The following GPR149 variants were observed in gnomAD, a reference collection of about 807,000 sequenced individuals.
GPR149 encodes the protein G protein-coupled receptor 149, also known as probable G protein-coupled receptor 149.
Under a neutral mutation model 50.2 loss-of-function variants are expected in GPR149, and 50 were observed. The observed-to-expected ratio is 1.00, with a 90% CI of 0.79 to 1.26. The LOEUF is 1.26. Among genes scored for constraint, GPR149 ranks in the 50% most tolerant of loss-of-function variants. GPR149 has a pLI of 0.00. For missense variants in GPR149, 983 were observed against 895.4 expected (o/e 1.10, Z -1.25); for synonymous variants, 405 against 358.2 (o/e 1.13, Z -1.48).
At position 154,381,552 on chromosome 3, in the gene GPR149, A is replaced by G. The variant is rs538965387; in HGVS notation, c.1623+39487T>C. Among the ~76,000 whole-genome samples the G allele has an allele frequency of 2.6e-5, 4 of 152,198 alleles. No individual in the cohort carries two copies. In the East Asian group the frequency reaches 7.7e-4, roughly 29 times the overall value. ...GTTAGTCGTCAAGTTTTTAGGATTT[A>G]GTTTTTTTATAACTGATAATTATTT... On this transcript the variant is annotated intron_variant, in intron 3 of 3. Coordinates refer to ENST00000389740, the MANE Select transcript of GPR149 (RefSeq NM_001038705.3).
intron 3 of GPR149, among the ~76,000 whole-genome samples, chr3:154,362,085 C>A (rs1044320135): frequency 6.6e-6 from 1 of 151,838 alleles, no homozygotes; most frequent in East Asian, 1.9e-4. Context: ...GTCAGGAGAT[C>A]GAGACCATCC....
intron 3 of GPR149, among the ~76,000 whole-genome samples, chr3:154,375,881 C>T (rs1406919526): frequency 1.3e-5 from 2 of 152,168 alleles, no homozygotes; most frequent in Non-Finnish European, 2.9e-5. Flanking sequence ...CAAATTTGCT[C>T]CCTGTTTTAG....
intron 3 of GPR149, among the ~76,000 whole-genome samples, chr3:154,356,991 C>T (rs984210577): frequency 1.4e-4 from 22 of 152,156 alleles, no homozygotes; most frequent in African/African-American, 5.3e-4. Flanking sequence ...GAGATATAGA[C>T]CAATGGAACA....
chr3:154,381,969 C>G (rs1714938305), intron 3 of GPR149, among the ~76,000 whole-genome samples: 1 of 152,204 alleles, frequency 6.6e-6, no homozygotes, highest in African/African-American at 2.4e-5. Flanking sequence ...TCTTGCCCAG[C>G]TACTTCTATC....
chr3:154,353,372 C>T, intron 3 of GPR149: 1 of 1,386,626 alleles, frequency 7.2e-7, no homozygotes, highest in East Asian at 2.3e-5. Context: ...AAAGTAAAGT[C>T]TGAGGATGGT....
At chr3:154,363,171 T>C (rs1235262652) in intron 3 of GPR149, among the ~76,000 whole-genome samples, 1 of 152,172 alleles carries the variant, frequency 6.6e-6, no homozygotes, top group African/African-American at 2.4e-5. Context: ...GTTTTAACCT[T>C]GTCCTTAAGG....
chr3:154,429,039 A>G lies in GPR149; in HGVS notation c.577T>C (p.Phe193Leu), dbSNP rs776522085. Reference sequence around the variant, plus strand: ...GCCAAAGCGTACACGATAGAGAGGAATAGTACGTAGGAGCTGGAGCAGTCC... The same window carrying G: ...GCCAAAGCGTACACGATAGAGAGGAGTAGTACGTAGGAGCTGGAGCAGTCC... The part of the protein sequence containing the change: ...LVDCSSSYVL[F>L]LSIVYALAFG... Residue 193 changes from phenylalanine (F) to leucine (L), a missense_variant, in exon 1 of 4, where the codon TTC (phenylalanine) becomes CTC (leucine). Phe to Leu is a conservative substitution (Grantham distance 22). Coordinates refer to ENST00000389740, the MANE Select transcript of GPR149 (RefSeq NM_001038705.3). The G allele has an allele frequency of 2.5e-6, 4 of 1,613,872 alleles. No individual in the cohort carries two copies. The highest frequency in any genetic ancestry group is 1.3e-5 in the African/African-American group (1 of 74,922).
chr3:154,354,920 A>T (rs1398707669), intron 3 of GPR149: 1 of 196,104 alleles, frequency 5.1e-6, no homozygotes, highest in Non-Finnish European at 1.1e-5. Flanking sequence ...ATGATGAATC[A>T]TTCTGATGAA....
At chr3:154,400,524 C>A (rs541086749) in intron 3 of GPR149, among the ~76,000 whole-genome samples, 1 of 152,252 alleles carries the variant, frequency 6.6e-6, no homozygotes, top group South Asian at 2.1e-4. Context: ...GCTTTATATG[C>A]AAAGAACTTT....
At position 154,354,755 on chromosome 3, in the gene GPR149, G is replaced by C. The variant is rs540149626; in HGVS notation, c.1624-16484C>G. ...TTCTGGCTCTCGGACTCCTCCAAGGGTGTTTTCAGCTCCATAATGTCGCCC... is the reference window on the plus strand; with the variant it reads ...TTCTGGCTCTCGGACTCCTCCAAGGCTGTTTTCAGCTCCATAATGTCGCCC... On this transcript the variant is annotated intron_variant, in intron 3 of 3. Coordinates refer to ENST00000389740, the MANE Select transcript of GPR149 (RefSeq NM_001038705.3). 99 of 729,530 alleles carry C rather than the reference G, an allele frequency of 1.4e-4. No homozygotes were observed. In the African/African-American group the frequency reaches 1.9e-3, roughly 14 times the overall value. The allele number at this position is 729,530 out of a possible 1,614,324, so 45.2% of individuals were successfully genotyped here. A position where few individuals can be genotyped will look rare whatever the true frequency, so the allele number is the denominator to read the frequency against.
In GPR149 at chr3:154,409,837, T is replaced by G. The variant is rs1711787445; in HGVS notation, c.1623+11202A>C. Among the ~76,000 whole-genome samples, 3 of 152,138 alleles carry G rather than the reference T, an allele frequency of 2.0e-5. 1 individual carries two copies. The South Asian group carries it at 6.2e-4, about 31-fold the overall frequency. On this transcript the variant is annotated intron_variant, in intron 3 of 3. Transcript: ENST00000389740. Reference sequence around the variant, plus strand: ...GAATAATCCAGGAAAACCTCCCCAGTCTTGCTAGACATCTGGACATCCAAA... The same window carrying G: ...GAATAATCCAGGAAAACCTCCCCAGGCTTGCTAGACATCTGGACATCCAAA...
At chr3:154,399,870 T>G (rs918871678) in intron 3 of GPR149, among the ~76,000 whole-genome samples, 21 of 152,222 alleles carry the variant, frequency 1.4e-4, no homozygotes, top group African/African-American at 5.1e-4. Context: ...ATTCATTCAG[T>G]TAACAGCATA....
chr3:154,357,409 G>A (rs1714264562), intron 3 of GPR149, among the ~76,000 whole-genome samples: 2 of 151,862 alleles, frequency 1.3e-5, no homozygotes, highest in South Asian at 4.2e-4. Context: ...TACAAAATGG[G>A]AGAAAATTTT....
At chr3:154,384,621 T>G (rs1263466047) in intron 3 of GPR149, among the ~76,000 whole-genome samples, 1 of 152,222 alleles carries the variant, frequency 6.6e-6, no homozygotes, top group Non-Finnish European at 1.5e-5. Context: ...TTCCTGTTTT[T>G]CTCAAATGCC....
rs747022883 is a variant in GPR149, at chr3:154,337,646, T to C, written c.*53A>G. ...ATCAGTCTCATAACAAAGGTGTTAG[T>C]TTCACAGTTGACGTTGCAGATCCAT... On this transcript the variant is annotated 3_prime_UTR_variant, in exon 4 of 4. Transcript: ENST00000389740. 5.1e-5 allele frequency: 66 copies of C among 1,299,738 alleles called. No homozygotes were observed. The highest frequency in any genetic ancestry group is 6.6e-5 in the Non-Finnish European group (62 of 943,686). The allele number at this position is 1,299,738 out of a possible 1,614,324, so 80.5% of individuals were successfully genotyped here. A position where few individuals can be genotyped will look rare whatever the true frequency, so the allele number is the denominator to read the frequency against.
chr3:154,344,026 G>A (rs917626744), intron 3 of GPR149, among the ~76,000 whole-genome samples: 11 of 152,030 alleles, frequency 7.2e-5, no homozygotes. Flanking sequence ...GTAGAGAATG[G>A]CACTCATGAC....
In GPR149 at chr3:154,429,635, AT is replaced by A. The variant is rs771683567; in HGVS notation, c.-21del. 7.2e-5 allele frequency: 115 copies of A among 1,591,012 alleles called. 1 individual carries two copies. The highest frequency in any genetic ancestry group is 1.7e-4 in the Middle Eastern group (1 of 5,914). On this transcript the variant is annotated 5_prime_UTR_variant, in exon 1 of 4. An upstream open reading frame in the 5' UTR loses its in-frame stop. Coordinates refer to ENST00000389740, the MANE Select transcript of GPR149 (RefSeq NM_001038705.3). ...AGACATTGTCCTTGGTCAATATTTA[AT>A]TTCCCTTATCAATGAGTCTGATAAT... is the stretch of plus-strand genomic sequence containing the variant.
intron 3 of GPR149, among the ~76,000 whole-genome samples, chr3:154,339,019 C>T (rs189386484): frequency 1.1e-4 from 17 of 152,232 alleles, no homozygotes; most frequent in African/African-American, 4.1e-4. Context: ...AAGATTGATT[C>T]TTAAAATAGT....
At chr3:154,426,514 A>G (rs936171597) in intron 2 of GPR149, among the ~76,000 whole-genome samples, 7 of 152,240 alleles carry the variant, frequency 4.6e-5, no homozygotes, top group Non-Finnish European at 1.0e-4. Flanking sequence ...AGGACAATTA[A>G]TAGGACAGTT....
Sources: allele counts gnomAD v4.1 joint callset (sites outside exome capture counted in the v4.1 genomes callset), GRCh38; gene constraint gnomAD v4.1.1; transcripts MANE v1.5; gene names NCBI Gene and HGNC (gene_info 2026-07-23, HGNC 2026-07-21).